Variants in DNAH7 observed in about 807,000 individuals in gnomAD.
DNAH7 encodes the protein axonemal beta dynein heavy chain 7.
DNAH7 carries 397 observed loss-of-function variants against 444.6 expected under a neutral mutation model. The observed-to-expected ratio is 0.89, with a 90% CI of 0.82 to 0.97. The LOEUF (loss-of-function observed/expected upper bound fraction) is 0.97. Among genes scored for constraint, DNAH7 ranks in the 50% least tolerant of loss-of-function variants. The pLI, the probability that DNAH7 is intolerant of heterozygous loss-of-function variation, is 0.00. For synonymous variants in DNAH7, 1,636 were observed against 1,624.4 expected, an observed-to-expected ratio of 1.01 and a Z score of -0.17; for missense variants, 4,902 against 4,800.8, an observed-to-expected ratio of 1.02 and a Z score of -0.62.
At chr2:195,871,902 G>C (rs1420524692) in intron 40 of DNAH7, among the ~76,000 whole-genome samples, 3 of 63,146 alleles carry the variant, frequency 4.8e-5, no homozygotes, top group Non-Finnish European at 7.1e-5. Context: ...CTGCACTCCA[G>C]CCTGGGCGAC....
chr2:195,871,735 T>A lies in DNAH7; in HGVS notation c.6633+515A>T, dbSNP rs1197721845. The stretch of plus-strand genomic sequence containing the variant: ...TCACGAGGTCAGGAGATCGAGACCA[T>A]CCCGGCTAAAACGGTGAAACCCCGT... On this transcript the variant is annotated intron_variant, in intron 40 of 64. Transcript: ENST00000312428. 7.0e-5 allele frequency among the ~76,000 whole-genome samples: 9 copies of A among 129,332 alleles called. 1 individual carries two copies. The highest frequency in any genetic ancestry group is 1.4e-4 in the Non-Finnish European group (9 of 65,216). The allele number at this position is 129,332 out of a possible 152,430, so 84.8% of individuals were successfully genotyped here.
intron 2 of DNAH7, among the ~76,000 whole-genome samples, chr2:196,053,580 G>T (rs1697620743): frequency 6.6e-6 from 1 of 152,154 alleles, no homozygotes; most frequent in Non-Finnish European, 1.5e-5. Flanking sequence ...AGGTTTTTAA[G>T]AATAATATAG....
chr2:196,012,965 T>G, intron 9 of DNAH7, 59 bp from the exon 10 acceptor site: 2 of 1,223,078 alleles, frequency 1.6e-6, no homozygotes, highest in Non-Finnish European at 2.2e-6. Context: ...TTTAATATTT[T>G]ATTAATTGGT....
intron 63 of DNAH7, among the ~76,000 whole-genome samples, chr2:195,753,147 G>T (rs1693884355): frequency 6.6e-6 from 1 of 152,112 alleles, no homozygotes; most frequent in East Asian, 1.9e-4. Context: ...AAGAAAATGG[G>T]ATCTGGATGC....
chr2:195,953,104 G>A (rs1254924238), intron 19 of DNAH7, among the ~76,000 whole-genome samples: 1 of 152,026 alleles, frequency 6.6e-6, no homozygotes, highest in Admixed American at 6.6e-5. Flanking sequence ...GGTGACCTTC[G>A]GATGGGGTTT....
chr2:195,816,803 T>C lies in DNAH7; in HGVS notation c.9586A>G (p.Ile3196Val). 6.2e-7 allele frequency: 1 copy of C among 1,614,138 alleles called. No homozygotes were observed. Among genetic ancestry groups the C allele is most frequent in the African/African-American group, 1.3e-5 (1 of 75,058 alleles). The change falls in exon 51 of 65, where the codon ATT becomes GTT. Residue 3196 changes from isoleucine (I) to valine (V), a missense_variant. Physicochemically the swap from Ile to Val is conservative, Grantham distance 29. Coordinates refer to ENST00000312428, the MANE Select transcript of DNAH7 (RefSeq NM_018897.3). ...QEVAEETEKKIDTTRMGYRPI... is the reference protein window; with the variant it reads ...QEVAEETEKKVDTTRMGYRPI... ...CGATAGCCCATGCGGGTGGTGTCAA[T>C]CTTTTTCTCTGTCTCTTCGGCTACT...
intron 48 of DNAH7, among the ~76,000 whole-genome samples, chr2:195,829,505 T>A (rs1340184918): frequency 1.3e-5 from 2 of 152,080 alleles, no homozygotes; most frequent in East Asian, 3.8e-4. Context: ...TTTTACATGA[T>A]CATATTTTTA....
At chr2:195,836,928 T>G (rs1399347298) in intron 47 of DNAH7, among the ~76,000 whole-genome samples, 2 of 152,212 alleles carry the variant, frequency 1.3e-5, no homozygotes, top group Non-Finnish European at 2.9e-5. Context: ...ATTTAAGTCC[T>G]ACTCATGTTT....
intron 5 of DNAH7, among the ~76,000 whole-genome samples, chr2:196,038,812 G>A (rs1340491067): frequency 1.3e-5 from 2 of 152,024 alleles, no homozygotes; most frequent in African/African-American, 2.4e-5. Flanking sequence ...TAATGAAAAG[G>A]GATCAATTCA....
intron 36 of DNAH7, among the ~76,000 whole-genome samples, chr2:195,880,543 C>T (rs1701318861): frequency 6.6e-6 from 1 of 151,636 alleles, no homozygotes; most frequent in Non-Finnish European, 1.5e-5. Flanking sequence ...CTGGGTTTCA[C>T]CGTGTTAGCC....
chr2:195,792,161 T>A (rs565184617), intron 57 of DNAH7, among the ~76,000 whole-genome samples: 1 of 81,424 alleles, frequency 1.2e-5, no homozygotes, highest in African/African-American at 5.0e-5. Flanking sequence ...AGTGAGACCC[T>A]GTCTCAAAAA....
chr2:195,846,021 A>G (rs1353013003), intron 46 of DNAH7, among the ~76,000 whole-genome samples: 1 of 152,254 alleles, frequency 6.6e-6, no homozygotes, highest in East Asian at 1.9e-4. Flanking sequence ...ACCTAATTAA[A>G]CTAAAGAGCT....
intron 47 of DNAH7, among the ~76,000 whole-genome samples, chr2:195,838,941 A>G (rs1017175355): frequency 6.6e-6 from 1 of 151,976 alleles, no homozygotes; most frequent in Non-Finnish European, 1.5e-5. Flanking sequence ...AAATAAAGCT[A>G]AAACTGATAA....
At position 196,043,382 on chromosome 2, in the gene DNAH7, A is replaced by G. The variant is rs1696896368; in HGVS notation, c.398+3970T>C. ...CGTCAACAATGCATGCCAAAACATA[A>G]TGGTTATCTCTCGCCTTATACAAAA... On this transcript the variant is annotated intron_variant, in intron 5 of 64. Transcript: ENST00000312428. Among the ~76,000 whole-genome samples the G allele has an allele frequency of 2.0e-5, 3 of 152,162 alleles. No individual in the cohort carries two copies. In the South Asian group the frequency reaches 6.2e-4, roughly 31 times the overall value.
intron 58 of DNAH7, among the ~76,000 whole-genome samples, chr2:195,779,497 C>T (rs1231827129): frequency 6.6e-6 from 1 of 151,762 alleles, no homozygotes; most frequent in Admixed American, 6.6e-5. Flanking sequence ...TTTTAATTTG[C>T]ATTTCTAGAA....
At chr2:195,871,965 A>AAC (rs1700733055) in intron 40 of DNAH7, among the ~76,000 whole-genome samples, 1 of 81,762 alleles carries the variant, frequency 1.2e-5, no homozygotes, top group Non-Finnish European at 2.1e-5. Context: ...AAAAAAAAAA[A>AAC]AAAACTACTT....
chr2:195,740,672 CAT>C lies in DNAH7; in HGVS notation c.11868+92_11868+93del, dbSNP rs201222852. 4.6e-3 allele frequency: 1,070 copies of C among 232,000 alleles called. 13 individuals are homozygous for C. The highest frequency in any genetic ancestry group is 0.024 in the African/African-American group (985 of 40,846). The allele number at this position is 232,000 out of a possible 1,614,324, so 14.4% of individuals were successfully genotyped here. A position where few individuals can be genotyped will look rare whatever the true frequency, so the allele number is the denominator to read the frequency against. On this transcript the variant is annotated intron_variant, in intron 64 of 64. Coordinates refer to ENST00000312428, the MANE Select transcript of DNAH7 (RefSeq NM_018897.3). ...ATATACACACACACATATGTATACA[CAT>C]ATATACACACAATATGGGGTCTATT...
At chr2:195,774,494 G>C (rs1056506493) in intron 60 of DNAH7, among the ~76,000 whole-genome samples, 10 of 152,130 alleles carry the variant, frequency 6.6e-5, no homozygotes, top group Non-Finnish European at 1.5e-4. Context: ...CTAATTTTTA[G>C]CTTTTTAAGA....
chr2:195,821,813 A>G (rs1697486574), intron 49 of DNAH7, among the ~76,000 whole-genome samples: 1 of 152,086 alleles, frequency 6.6e-6, no homozygotes. Flanking sequence ...TGGGTGGGAG[A>G]TATCGTGTTT....
Sources: allele counts gnomAD v4.1 joint callset (sites outside exome capture counted in the v4.1 genomes callset), GRCh38; gene constraint gnomAD v4.1.1; transcripts MANE v1.5; gene names NCBI Gene and HGNC (gene_info 2026-07-23, HGNC 2026-07-21).